The following PTK2 variants were observed in gnomAD, a reference collection of about 807,000 sequenced individuals.
PTK2 encodes the protein focal adhesion kinase 1.
PTK2 carries 45 observed loss-of-function variants against 150.1 expected under a neutral mutation model. The ratio of observed to expected loss-of-function variants is 0.30; its 90% CI spans 0.24 to 0.38. PTK2 has a LOEUF of 0.38. Ranked by LOEUF, PTK2 falls within the 10% of genes least tolerant of loss-of-function variation. PTK2 has a pLI of 1.00. For synonymous variants in PTK2, 432 were observed against 449.2 expected (o/e 0.96, Z 0.48); for missense variants, 919 against 1,307.3 (o/e 0.70, Z 4.58).
intron 1 of PTK2, among the ~76,000 whole-genome samples, chr8:140,958,657 C>T (rs954531900): frequency 6.6e-6 from 1 of 152,222 alleles, no homozygotes; most frequent in Admixed American, 6.5e-5. Flanking sequence ...AAAATACACA[C>T]TGAATTGCTA....
chr8:140,845,735 T>C (rs149623920), intron 7 of PTK2, among the ~76,000 whole-genome samples: 64 of 152,286 alleles, frequency 4.2e-4, no homozygotes, highest in Non-Finnish European at 7.2e-4. Context: ...GAATTAATTA[T>C]GAAAAAGATG....
intron 2 of PTK2, chr8:140,920,848 G>T (rs1293441724): frequency 1.3e-6 from 2 of 1,526,794 alleles, no homozygotes; most frequent in Non-Finnish European, 1.7e-6. Flanking sequence ...GACTACATCC[G>T]CTTTTCTCCA....
intron 22 of PTK2, among the ~76,000 whole-genome samples, chr8:140,733,672 A>G (rs983044858): frequency 2.0e-5 from 3 of 152,226 alleles, no homozygotes; most frequent in African/African-American, 7.2e-5. Context: ...CAGTTAAGTT[A>G]TATGAGAATT....
At chr8:140,876,003 G>A (rs1476579844) in intron 4 of PTK2, among the ~76,000 whole-genome samples, 1 of 152,146 alleles carries the variant, frequency 6.6e-6, no homozygotes, top group Non-Finnish European at 1.5e-5. Context: ...TATCCCTAAT[G>A]ATGCTTTAAA....
chr8:140,763,654 T>C (rs2100070592), intron 15 of PTK2, among the ~76,000 whole-genome samples: 1 of 152,244 alleles, frequency 6.6e-6, no homozygotes, highest in Middle Eastern at 3.4e-3. Flanking sequence ...AATCTTGACA[T>C]TTCCAGGCTG....
At chr8:140,690,714 T>C (rs77596050) in intron 26 of PTK2, among the ~76,000 whole-genome samples, 2,985 of 152,306 alleles carry the variant, frequency 0.02, 41 homozygotes, top group Non-Finnish European at 0.023. Context: ...TAAATGTATG[T>C]TTACAAACAT....
At chr8:140,970,899 A>AC (rs891248998) in intron 1 of PTK2, among the ~76,000 whole-genome samples, 20 of 151,956 alleles carry the variant, frequency 1.3e-4, no homozygotes, top group African/African-American at 4.3e-4. Flanking sequence ...CAAAAAAAAA[A>AC]ACCAAAAAAC....
At chr8:141,000,315 C>A (rs1022715622) in intron 1 of PTK2, among the ~76,000 whole-genome samples, 2 of 152,188 alleles carry the variant, frequency 1.3e-5, no homozygotes, top group African/African-American at 4.8e-5. Flanking sequence ...AAGAAGCCCA[C>A]GGGGCTCTAC....
intron 1 of PTK2, among the ~76,000 whole-genome samples, chr8:140,972,412 A>T (rs1407451719): frequency 6.6e-6 from 1 of 152,032 alleles, no homozygotes; most frequent in East Asian, 1.9e-4. Context: ...CTACAGGCGC[A>T]CGCCACCACG....
intron 10 of PTK2, among the ~76,000 whole-genome samples, chr8:140,804,409 G>A (rs2100097101): frequency 6.6e-6 from 1 of 151,264 alleles, no homozygotes; most frequent in Non-Finnish European, 1.5e-5. Flanking sequence ...AACATAGTGA[G>A]ACCCTTTCTC....
intron 7 of PTK2, among the ~76,000 whole-genome samples, chr8:140,835,255 G>A (rs2100118023): frequency 6.6e-6 from 1 of 152,160 alleles, no homozygotes; most frequent in Admixed American, 6.5e-5. Context: ...CTTATTATAA[G>A]CACATTTTTA....
intron 4 of PTK2, among the ~76,000 whole-genome samples, chr8:140,878,224 G>C (rs935342922): frequency 3.3e-5 from 5 of 152,154 alleles, no homozygotes; most frequent in African/African-American, 1.2e-4. Context: ...TGTTAGCTTG[G>C]TACCAGCTAC....
At chr8:140,740,968 T>G (rs1489661723) in intron 20 of PTK2, among the ~76,000 whole-genome samples, 2 of 150,732 alleles carry the variant, frequency 1.3e-5, no homozygotes, top group Non-Finnish European at 3.0e-5. Flanking sequence ...CAAAGTGAGA[T>G]CTCATCTCTA....
intron 7 of PTK2, among the ~76,000 whole-genome samples, chr8:140,841,889 C>CA (rs1326053108): frequency 2.6e-5 from 4 of 151,868 alleles, no homozygotes; most frequent in East Asian, 1.9e-4. Flanking sequence ...CAAAAATGAA[C>CA]AAAAAATGGC....
chr8:140,858,408 A>G (rs1412208871), intron 5 of PTK2, among the ~76,000 whole-genome samples: 1 of 151,630 alleles, frequency 6.6e-6, no homozygotes, highest in Non-Finnish European at 1.5e-5. Flanking sequence ...GTAGCATGAC[A>G]CAGATCAAGC....
intron 14 of PTK2, among the ~76,000 whole-genome samples, chr8:140,770,250 C>T (rs1336060386): frequency 1.3e-5 from 2 of 152,182 alleles, no homozygotes; most frequent in Non-Finnish European, 2.9e-5. Context: ...CTAGAAAATG[C>T]TCCAAATGGC....
At chr8:140,755,519 A>G (rs770804603) in intron 16 of PTK2, among the ~76,000 whole-genome samples, 10 of 152,128 alleles carry the variant, frequency 6.6e-5, no homozygotes, top group African/African-American at 1.2e-4. Context: ...AGGCTTCCCC[A>G]TGAGAATGCT....
At chr8:140,729,055 T>A (rs1297983905) in intron 22 of PTK2, among the ~76,000 whole-genome samples, 2 of 151,992 alleles carry the variant, frequency 1.3e-5, no homozygotes, top group African/African-American at 4.8e-5. Context: ...CACTTAGGTA[T>A]GATACTGAGA....
chr8:140,883,418 GATTT>G (rs752653046), intron 3 of PTK2, among the ~76,000 whole-genome samples: 6 of 152,166 alleles, frequency 3.9e-5, no homozygotes, highest in Non-Finnish European at 8.8e-5. Context: ...TTAATTTTCA[GATTT>G]ATTACTAGAA....
Sources: gnomAD v4.1 joint callset for allele counts (sites outside exome capture counted in the v4.1 genomes callset) on GRCh38, gnomAD v4.1.1 for gene constraint, MANE v1.5 for transcripts, NCBI Gene and HGNC (gene_info 2026-07-23, HGNC 2026-07-21) for gene names.